KCNK4: variants seen among roughly 807,000 people sequenced by gnomAD.
The protein encoded by KCNK4 is potassium channel subfamily K member 4.
Under a neutral mutation model 28.8 loss-of-function variants are expected in KCNK4, and 22 were observed. The ratio of observed to expected loss-of-function variants is 0.76; its 90% CI spans 0.55 to 1.09. The LOEUF (loss-of-function observed/expected upper bound fraction) is 1.09, where lower values mean the gene tolerates loss of function less well. Ranked by LOEUF, KCNK4 falls within the 50% of genes least tolerant of loss-of-function variation. KCNK4 has a pLI of 0.00. For missense variants in KCNK4, 483 were observed against 546.3 expected, an observed-to-expected ratio of 0.88 and a Z score of 1.15; for synonymous variants, 263 against 252.9, an observed-to-expected ratio of 1.04 and a Z score of -0.38.
intron 2 of KCNK4, among the ~76,000 whole-genome samples, chr11:64,293,750 A>C (rs1747880128): frequency 6.6e-6 from 1 of 152,016 alleles, no homozygotes; most frequent in Non-Finnish European, 1.5e-5. Flanking sequence ...ACAGGGATTC[A>C]TCACCACACC....
At chr11:64,298,390 G>T (rs563232916) in intron 6 of KCNK4, 141 bp downstream of exon 6, 3 of 1,013,458 alleles carry the variant, frequency 3.0e-6, no homozygotes, top group East Asian at 2.6e-5. Flanking sequence ...TGTGTGCCCC[G>T]CAGGGAACAG....
chr11:64,298,312 AG>A, intron 6 of KCNK4, 63 bp downstream of exon 6: 2 of 1,592,250 alleles, frequency 1.3e-6, no homozygotes, highest in Non-Finnish European at 1.7e-6. Flanking sequence ...GTTCCCTAGC[AG>A]GGGGTTGATC....
chr11:64,298,697 T>TAAC (rs1357056916), intron 6 of KCNK4, among the ~76,000 whole-genome samples: 1 of 151,078 alleles, frequency 6.6e-6, no homozygotes, highest in Non-Finnish European at 1.5e-5. Context: ...AAACAAACAT[T>TAAC]AACAACAACA....
At position 64,293,223 on chromosome 11, in the gene KCNK4, G is replaced by A. The variant is rs778547469; in HGVS notation, c.189+16G>A. 4 of 1,434,634 alleles carry A rather than the reference G, an allele frequency of 2.8e-6. No individual in the cohort carries two copies. Among genetic ancestry groups the A allele is most frequent in the Middle Eastern group, 1.8e-4 (1 of 5,534 alleles). 88.9% of individuals were successfully genotyped at this position (1,434,634 alleles called of 1,614,324 possible). On this transcript the variant is annotated intron_variant, in intron 2 of 6. Coordinates refer to ENST00000422670, the MANE Select transcript of KCNK4 (RefSeq NM_033310.3). ...CCTCATCAAGGTGCGTGGGTGGGCCGCAGCCCCTTCAGCTGTCACCCATCA... is the reference window on the plus strand; with the variant it reads ...CCTCATCAAGGTGCGTGGGTGGGCCACAGCCCCTTCAGCTGTCACCCATCA...
Position 64,298,200 on chromosome 11 carries a change from C to G in KCNK4, c.752C>G (p.Thr251Ser), listed in dbSNP as rs752681182. 1 of 1,613,554 alleles carries G rather than the reference C, an allele frequency of 6.2e-7. No homozygotes were observed. The highest frequency in any genetic ancestry group is 8.5e-7 in the Non-Finnish European group (1 of 1,180,040). Reference sequence around the variant, plus strand: ...CTGGCTTACTTCGCCTCAGTGCTCACCACCATCGGGAACTGGCTGCGAGTA... The same window carrying G: ...CTGGCTTACTTCGCCTCAGTGCTCAGCACCATCGGGAACTGGCTGCGAGTA... ...LGLAYFASVLTTIGNWLRVVS... is the reference protein window; with the variant it reads ...LGLAYFASVLSTIGNWLRVVS... Residue 251 changes from threonine to serine, a missense_variant, in exon 6 of 7, where the codon ACC becomes AGC. Thr to Ser is a moderately conservative substitution (Grantham distance 58, BLOSUM62 1). Transcript: ENST00000422670.
In KCNK4 at chr11:64,299,871, C is replaced by T. The variant is rs570478314; in HGVS notation, c.*145C>T. 1.9e-3 allele frequency: 2,797 copies of T among 1,466,854 alleles called. 12 individuals carry two copies. Among genetic ancestry groups the T allele is most frequent in the Non-Finnish European group, 2.0e-3 (2,180 of 1,087,460 alleles). The allele number at this position is 1,466,854 out of a possible 1,614,324, so 90.9% of individuals were successfully genotyped here. A position where few individuals can be genotyped will look rare whatever the true frequency, so the allele number is the denominator to read the frequency against. On this transcript the variant is annotated 3_prime_UTR_variant, in exon 7 of 7. Coordinates refer to ENST00000422670, the MANE Select transcript of KCNK4 (RefSeq NM_033310.3). ...TTGCCTCTCCGCCTCCTCCCTGGCCCCGGCCCTTCCCTCACTTCCATCCAT... is the reference window on the plus strand; with the variant it reads ...TTGCCTCTCCGCCTCCTCCCTGGCCTCGGCCCTTCCCTCACTTCCATCCAT...
chr11:64,299,316 A>C (rs1190624872), intron 6 of KCNK4, 30 bp from the exon 7 acceptor site: 1 of 1,492,746 alleles, frequency 6.7e-7, no homozygotes, highest in South Asian at 1.3e-5. Context: ...CTAGACCTCT[A>C]GTCGAGGGCT....
In KCNK4 at chr11:64,297,207, A is replaced by G. The variant is rs555500216; in HGVS notation, c.402A>G (p.Leu134=). 1.9e-4 allele frequency: 305 copies of G among 1,613,956 alleles called. No homozygotes were observed. The highest frequency in any genetic ancestry group is 2.4e-4 in the Non-Finnish European group (280 of 1,180,018). The change falls in exon 4 of 7, where the codon CTA becomes CTG. Residue 134 remains leucine (L), a synonymous_variant. Transcript: ENST00000422670. Reference sequence around the variant, plus strand: ...TGGGGATTCCGCTGTTTGGGATCCTACTGGCAGGGGTCGGGGACCGGCTGG... The same window carrying G: ...TGGGGATTCCGCTGTTTGGGATCCTGCTGGCAGGGGTCGGGGACCGGCTGG... ...ALVGIPLFGI[L]LAGVGDRLGS...
intron 2 of KCNK4, among the ~76,000 whole-genome samples, chr11:64,295,837 G>A (rs1314381115): frequency 6.6e-6 from 1 of 152,090 alleles, no homozygotes; most frequent in Non-Finnish European, 1.5e-5. Flanking sequence ...ACTTCAGTCA[G>A]GGGGCGAAGA....
chr11:64,292,483 C>T (rs1221573184), intron 1 of KCNK4, among the ~76,000 whole-genome samples: 1 of 152,146 alleles, frequency 6.6e-6, no homozygotes, highest in Non-Finnish European at 1.5e-5. Context: ...CTGTCACAGC[C>T]GCAGCGGGCG....
chr11:64,291,831 G>C (rs979341043), intron 1 of KCNK4: 1 of 173,370 alleles, frequency 5.8e-6, no homozygotes, highest in East Asian at 1.8e-4. Context: ...CTCAGGGGCA[G>C]GGACGCCCCA....
intron 3 of KCNK4, 27 bp from the exon 4 acceptor site, chr11:64,297,092 G>A (rs1456565899): frequency 1.2e-6 from 2 of 1,613,910 alleles, no homozygotes; most frequent in Admixed American, 3.3e-5. Context: ...GTGGCCCCTA[G>A]ACTTCCTGCA....
At position 64,297,556 on chromosome 11, in the gene KCNK4, G is replaced by A. The variant is rs769384617; in HGVS notation, c.564G>A (p.Thr188=). The A allele has an allele frequency of 8.1e-6, 13 of 1,614,144 alleles. No homozygotes were observed. Among genetic ancestry groups the A allele is most frequent in the South Asian group, 2.2e-5 (2 of 91,080 alleles). ...GCCTGCTCTTTGTCCTCACGCCCAC[G>A]TTCGTGTTCTGCTATATGGAGGACT... ...IGCLLFVLTP[T]FVFCYMEDWS... The change falls in exon 5 of 7, where the codon ACG becomes ACA. Residue 188 remains threonine (T), a synonymous_variant. Transcript: ENST00000422670.
chr11:64,298,631 C>T (rs984643500), intron 6 of KCNK4, among the ~76,000 whole-genome samples: 1 of 152,054 alleles, frequency 6.6e-6, no homozygotes, highest in African/African-American at 2.4e-5. Flanking sequence ...AGCAGTGGGT[C>T]ATGATTGCAC....
chr11:64,294,567 C>T (rs962538454), intron 2 of KCNK4, among the ~76,000 whole-genome samples: 6 of 148,382 alleles, frequency 4.0e-5, no homozygotes, highest in African/African-American at 1.2e-4. Context: ...TTCTGGGATA[C>T]AGTCAGGCAG....
chr11:64,299,757 G>A lies in KCNK4; in HGVS notation c.*31G>A. ...GGATCCCTGGCCGGGCCTCTCAAGG[G>A]CTTCGTTTCTGCTCTCCCCGGCATG... On this transcript the variant is annotated 3_prime_UTR_variant, in exon 7 of 7. Coordinates refer to ENST00000422670, the MANE Select transcript of KCNK4 (RefSeq NM_033310.3). The A allele has an allele frequency of 6.5e-7, 1 of 1,541,640 alleles. No homozygotes were observed. Among genetic ancestry groups the A allele is most frequent in the East Asian group, 2.4e-5 (1 of 41,404 alleles).
At chr11:64,297,350 G>A (rs2232414) in intron 4 of KCNK4, 71 bp downstream of exon 4, 43 of 1,575,942 alleles carry the variant, frequency 2.7e-5, no homozygotes, top group Middle Eastern at 1.7e-4. Context: ...CCTGGCACAT[G>A]AGCGCGCCCC....
At chr11:64,298,323 C>A in intron 6 of KCNK4, 74 bp downstream of exon 6, 2 of 1,569,170 alleles carry the variant, frequency 1.3e-6, no homozygotes, top group Middle Eastern at 2.3e-4. Flanking sequence ...GGGGGTTGAT[C>A]AGGCTGTCTC....
rs1338402334 is a variant in KCNK4 at position 64,293,053 on chromosome 11, T to C, written c.35T>C (p.Leu12Pro). The C allele has an allele frequency of 3.2e-6, 5 of 1,548,514 alleles. No individual in the cohort carries two copies. Among genetic ancestry groups the C allele is most frequent in the Non-Finnish European group, 4.4e-6 (5 of 1,146,082 alleles). ...ACCACGCTCCTGGCCCTGCTGGCGC[T>C]GGTCTTGCTTTACTTGGTGTCTGGT... ...RSTTLLALLALVLLYLVSGAL... is the reference protein window; with the variant it reads ...RSTTLLALLAPVLLYLVSGAL... The change falls in exon 2 of 7, where the codon CTG becomes CCG. Residue 12 changes from leucine to proline, a missense_variant. By Grantham distance (98) the Leu-to-Pro change is moderately conservative. Transcript: ENST00000422670.
Sources: allele counts gnomAD v4.1 joint callset (sites outside exome capture counted in the v4.1 genomes callset), GRCh38; gene constraint gnomAD v4.1.1; transcripts MANE v1.5; gene names NCBI Gene and HGNC (gene_info 2026-07-23, HGNC 2026-07-21).